DCDC2: variants seen among roughly 807,000 people sequenced by gnomAD.
DCDC2 encodes doublecortin domain-containing protein 2.
A neutral mutation model predicts 50.2 loss-of-function variants in DCDC2; 40 were observed. The ratio of observed to expected loss-of-function variants is 0.80; its 90% confidence interval spans 0.62 to 1.04. The LOEUF is 1.04. DCDC2 is among the 50% of genes least tolerant of loss of function. The probability of loss-of-function intolerance (pLI) is 0.00; values close to 1 mark genes in which losing one functional copy is unlikely to be tolerated. For missense variants in DCDC2, 570 were observed against 581.9 expected (o/e 0.98, Z 0.21); for synonymous variants, 234 against 210.6 (o/e 1.11, Z -0.96).
chr6:24,182,772 C>A (rs1761107422), intron 8 of DCDC2, among the ~76,000 whole-genome samples: 1 of 152,052 alleles, frequency 6.6e-6, no homozygotes, highest in African/African-American at 2.4e-5. Context: ...AATAGAATTA[C>A]CATATGATCT....
At chr6:24,326,213 TGAAG>T (rs200093480) in intron 2 of DCDC2, among the ~76,000 whole-genome samples, 5,535 of 139,042 alleles carry the variant, frequency 0.04, 423 homozygotes, top group Non-Finnish European at 0.058. Flanking sequence ...AAGGAAAGAA[TGAAG>T]GAAGGAAGGA....
At chr6:24,366,445 G>A in the DCDC2 span, among the ~76,000 whole-genome samples, 1 of 152,180 alleles carries the variant, frequency 6.6e-6, no homozygotes, top group Admixed American at 6.5e-5. Flanking sequence ...TTTAGAGGCC[G>A]AGATGAAGGA....
At chr6:24,239,201 G>C (rs1407238988) in intron 7 of DCDC2, among the ~76,000 whole-genome samples, 3 of 152,192 alleles carry the variant, frequency 2.0e-5, no homozygotes, top group Admixed American at 6.5e-5. Context: ...TGTGTAATAA[G>C]TACAATGGAG....
At chr6:24,318,316 C>A (rs373177071) in intron 2 of DCDC2, among the ~76,000 whole-genome samples, 1 of 152,072 alleles carries the variant, frequency 6.6e-6, no homozygotes, top group African/African-American at 2.4e-5. Flanking sequence ...TCTGAAGTTG[C>A]AGTAAGGTGT....
chr6:24,202,551 C>T (rs563878584), intron 8 of DCDC2, among the ~76,000 whole-genome samples: 12 of 152,276 alleles, frequency 7.9e-5, no homozygotes, highest in South Asian at 6.2e-4. Context: ...AAGCTGGAAG[C>T]ATTCCCTTTG....
chr6:24,359,345 T>C (rs1270288328), upstream of DCDC2, among the ~76,000 whole-genome samples: 14 of 62,898 alleles, frequency 2.2e-4, no homozygotes, highest in East Asian at 5.3e-3. Context: ...TTATATATTA[T>C]ATATATTTTA....
intron 4 of DCDC2, among the ~76,000 whole-genome samples, chr6:24,301,126 C>T (rs567618166): frequency 9.3e-5 from 14 of 151,292 alleles, no homozygotes; most frequent in Non-Finnish European, 1.8e-4. Context: ...AATCCCAGGA[C>T]TTTGGGAGGC....
At position 24,172,235 on chromosome 6, in the gene DCDC2, CAT is replaced by C. The variant is rs2113732786; in HGVS notation, c.*2493_*2494del. 6.6e-6 allele frequency: 1 copy of C among 152,258 alleles called. No individual in the cohort carries two copies. Among genetic ancestry groups the C allele is most frequent in the Non-Finnish European group, 1.5e-5 (1 of 68,020 alleles). The allele number at this position is 152,258 out of a possible 1,614,324, so 9.4% of individuals were successfully genotyped here. On this transcript the variant is annotated 3_prime_UTR_variant, in exon 10 of 10. Transcript: ENST00000378454. ...TTGGCTAGGCACCTTTTTTTAGTAA[CAT>C]GTTTGCAAAGTGTCTTAAAGTGATA...
At chr6:24,359,890 C>G (rs1004975925), upstream of DCDC2, among the ~76,000 whole-genome samples, 8 of 152,214 alleles carry the variant, frequency 5.3e-5, no homozygotes. Flanking sequence ...CACGTGAAGA[C>G]AGCAGGCAGC....
At chr6:24,215,498 G>A (rs1261102758) in intron 7 of DCDC2, among the ~76,000 whole-genome samples, 1 of 152,132 alleles carries the variant, frequency 6.6e-6, no homozygotes, top group Admixed American at 6.5e-5. Flanking sequence ...TGTGGAGGGG[G>A]AGATCATGGA....
intron 6 of DCDC2, among the ~76,000 whole-genome samples, chr6:24,288,093 A>G (rs1432497904): frequency 3.9e-5 from 6 of 152,254 alleles, no homozygotes; most frequent in Non-Finnish European, 7.3e-5. Context: ...ATCATTGCCT[A>G]GAAATCATTT....
intron 2 of DCDC2, among the ~76,000 whole-genome samples, chr6:24,322,630 C>T (rs767511853): frequency 5.3e-5 from 8 of 152,034 alleles, no homozygotes; most frequent in Non-Finnish European, 7.3e-5. Context: ...AAAACTTGGT[C>T]CCCACAATCC....
chr6:24,331,554 A>G (rs1323780243), intron 2 of DCDC2, among the ~76,000 whole-genome samples: 1 of 152,156 alleles, frequency 6.6e-6, no homozygotes, highest in Non-Finnish European at 1.5e-5. Context: ...TTGAATAATT[A>G]TATTTAGAAT....
intron 7 of DCDC2, among the ~76,000 whole-genome samples, chr6:24,214,515 T>A (rs1299521419): frequency 6.6e-6 from 1 of 152,180 alleles, no homozygotes; most frequent in Non-Finnish European, 1.5e-5. Flanking sequence ...CTATATAAAT[T>A]ATGATACAAT....
intron 1 of DCDC2, 195 bp downstream of exon 1, chr6:24,357,263 T>G: frequency 1.8e-6 from 1 of 552,202 alleles, no homozygotes; most frequent in Non-Finnish European, 3.0e-6. Flanking sequence ...CTGACCCAAG[T>G]GAAATTCCTT....
chr6:24,275,933 G>A (rs552395314), intron 7 of DCDC2, among the ~76,000 whole-genome samples: 35 of 135,018 alleles, frequency 2.6e-4, no homozygotes, highest in Non-Finnish European at 3.8e-4. Context: ...GCAGTGACAC[G>A]ATCATGGCTC....
chr6:24,187,859 A>G (rs1397919835), intron 8 of DCDC2, among the ~76,000 whole-genome samples: 2 of 152,158 alleles, frequency 1.3e-5, no homozygotes, highest in African/African-American at 4.8e-5. Flanking sequence ...ATTTACACTA[A>G]CCTCACAACA....
At chr6:24,286,704 A>T (rs550559697) in intron 6 of DCDC2, among the ~76,000 whole-genome samples, 5 of 152,152 alleles carry the variant, frequency 3.3e-5, no homozygotes, top group African/African-American at 1.2e-4. Flanking sequence ...AAGTTTCCTG[A>T]TGATACTTCC....
At chr6:24,322,340 T>C (rs964528525) in intron 2 of DCDC2, among the ~76,000 whole-genome samples, 8 of 152,326 alleles carry the variant, frequency 5.3e-5, no homozygotes, top group Non-Finnish European at 1.0e-4. Context: ...CGTGACTTAC[T>C]TTCCAATCTG....
Sources: gnomAD v4.1 joint callset for allele counts (sites outside exome capture counted in the v4.1 genomes callset) on GRCh38, gnomAD v4.1.1 for gene constraint, MANE v1.5 for transcripts, NCBI Gene and HGNC (gene_info 2026-07-23, HGNC 2026-07-21) for gene names.